Variants in ENTREP2 observed in about 807,000 individuals in gnomAD.
The protein encoded by ENTREP2 is protein ENTREP2.
chr15:29,448,465 T>C, the ENTREP2 span, among the ~76,000 whole-genome samples: 1 of 152,230 alleles, frequency 6.6e-6, no homozygotes, highest in Non-Finnish European at 1.5e-5. Flanking sequence ...CTTAAAACCA[T>C]GCCCAGGTCA....
the ENTREP2 span, among the ~76,000 whole-genome samples, chr15:29,507,550 G>A: frequency 7.0e-3 from 1,049 of 150,438 alleles, 7 homozygotes; most frequent in African/African-American, 0.024. Context: ...AAATCATAAC[G>A]GTCACTCAGA....
the ENTREP2 span, among the ~76,000 whole-genome samples, chr15:29,515,350 TC>T: frequency 1.1e-4 from 17 of 152,248 alleles, 1 homozygote; most frequent in South Asian, 4.2e-4. Context: ...ATGATGGATG[TC>T]CCAATTCGAG....
At chr15:29,343,027 T>TGGGC in the ENTREP2 span, among the ~76,000 whole-genome samples, 11 of 130,886 alleles carry the variant, frequency 8.4e-5, no homozygotes, top group Admixed American at 1.6e-4. Context: ...TAAAAAGGAA[T>TGGGC]GGGGGGGGTG....
chr15:29,392,680 C>T, the ENTREP2 span, among the ~76,000 whole-genome samples: 13 of 152,268 alleles, frequency 8.5e-5, 1 homozygote, highest in South Asian at 2.5e-3. Flanking sequence ...AGATACTGTG[C>T]TACTGAATCT....
the ENTREP2 span, among the ~76,000 whole-genome samples, chr15:29,206,231 C>G: frequency 1.3e-5 from 2 of 152,248 alleles, no homozygotes; most frequent in South Asian, 2.1e-4. Flanking sequence ...TGTGTCCTCA[C>G]CTGGCAGAAG....
the ENTREP2 span, among the ~76,000 whole-genome samples, chr15:29,635,630 C>T: frequency 6.6e-6 from 1 of 152,170 alleles, no homozygotes; most frequent in Non-Finnish European, 1.5e-5. Context: ...AGGGGGTCCA[C>T]GGAAACAGAC....
At chr15:29,520,575 T>C in the ENTREP2 span, among the ~76,000 whole-genome samples, 2 of 151,626 alleles carry the variant, frequency 1.3e-5, no homozygotes, top group African/African-American at 2.4e-5. Flanking sequence ...ACTGCCCATG[T>C]TTCCTATAAA....
At chr15:29,141,321 G>C in the ENTREP2 span, among the ~76,000 whole-genome samples, 1 of 152,220 alleles carries the variant, frequency 6.6e-6, no homozygotes, top group East Asian at 1.9e-4. Flanking sequence ...CTGATCCTGT[G>C]AGTCTCAGTC....
At chr15:29,642,509 C>T in the ENTREP2 span, among the ~76,000 whole-genome samples, 3 of 133,986 alleles carry the variant, frequency 2.2e-5, no homozygotes, top group Admixed American at 2.3e-4. Context: ...ACATATATAT[C>T]ATATATACAT....
chr15:29,467,380 T>C, the ENTREP2 span, among the ~76,000 whole-genome samples: 1 of 152,146 alleles, frequency 6.6e-6, no homozygotes, highest in African/African-American at 2.4e-5. Flanking sequence ...TGTTCATCTA[T>C]CAGTAAACAG....
chr15:29,180,645 C>T, the ENTREP2 span, among the ~76,000 whole-genome samples: 378 of 152,004 alleles, frequency 2.5e-3, no homozygotes, highest in African/African-American at 8.8e-3. Context: ...GCCTGGGTGA[C>T]AGAGCAAGAC....
the ENTREP2 span, chr15:29,269,217 C>G: frequency 1.9e-6 from 3 of 1,614,084 alleles, no homozygotes; most frequent in Non-Finnish European, 2.5e-6. Context: ...TCTCGGCATC[C>G]TCCTCCACAG....
At chr15:29,529,101 G>A in the ENTREP2 span, among the ~76,000 whole-genome samples, 1 of 150,342 alleles carries the variant, frequency 6.7e-6, no homozygotes, top group Non-Finnish European at 1.5e-5. Flanking sequence ...TCTTCCCTGG[G>A]ATTCTCCAAC....
chr15:29,309,440 T>C, the ENTREP2 span, among the ~76,000 whole-genome samples: 2 of 151,864 alleles, frequency 1.3e-5, no homozygotes, highest in African/African-American at 2.4e-5. Context: ...CCAAGTCAAG[T>C]GTGTGTTGAT....
chr15:29,184,283 C>A, the ENTREP2 span, among the ~76,000 whole-genome samples: 2 of 152,180 alleles, frequency 1.3e-5, no homozygotes, highest in Non-Finnish European at 2.9e-5. Context: ...CTGCACCCAG[C>A]CACTGACAAC....
chr15:29,549,356 G>A, the ENTREP2 span, among the ~76,000 whole-genome samples: 5 of 150,710 alleles, frequency 3.3e-5, no homozygotes, highest in African/African-American at 1.2e-4. Flanking sequence ...TGCAAGCTCT[G>A]CCTCCCAGGT....
At chr15:29,345,939 T>C in the ENTREP2 span, among the ~76,000 whole-genome samples, 1 of 152,150 alleles carries the variant, frequency 6.6e-6, no homozygotes, top group Non-Finnish European at 1.5e-5. Flanking sequence ...AAGCACCTTA[T>C]TATTAACTAT....
At chr15:29,474,877 T>C in the ENTREP2 span, among the ~76,000 whole-genome samples, 1 of 152,138 alleles carries the variant, frequency 6.6e-6, no homozygotes, top group African/African-American at 2.4e-5. Flanking sequence ...CTTCGGGGGA[T>C]CTTTTGTGTA....
the ENTREP2 span, among the ~76,000 whole-genome samples, chr15:29,423,509 C>A: frequency 3.3e-5 from 5 of 151,998 alleles, no homozygotes; most frequent in South Asian, 1.0e-3. Context: ...TTTATTTGGG[C>A]CGGCGCGGTG....
Sources: gnomAD v4.1 joint callset for allele counts (sites outside exome capture counted in the v4.1 genomes callset) on GRCh38, gnomAD v4.1.1 for gene constraint, MANE v1.5 for transcripts, NCBI Gene and HGNC (gene_info 2026-07-23, HGNC 2026-07-21) for gene names.